The following NRXN3 variants were observed in gnomAD, a reference collection of about 807,000 sequenced individuals.
NRXN3 encodes the protein neurexin III.
NRXN3 carries 32 observed loss-of-function variants against 137.6 expected under a neutral mutation model. The ratio of observed to expected loss-of-function variants is 0.23; its 90% CI spans 0.18 to 0.31. The LOEUF is 0.31. Among genes scored for constraint, NRXN3 ranks in the 10% least tolerant of loss-of-function variants. The pLI, the probability that NRXN3 is intolerant of heterozygous loss-of-function variation, is 1.00. For synonymous variants in NRXN3, 798 were observed against 784.5 expected, an observed-to-expected ratio of 1.02 and a Z score of -0.29; for missense variants, 1,574 against 2,062.5, an observed-to-expected ratio of 0.76 and a Z score of 4.59.
intron 16 of NRXN3, among the ~76,000 whole-genome samples, chr14:79,491,550 T>C (rs1370480907): frequency 6.6e-6 from 1 of 152,038 alleles, no homozygotes; most frequent in Non-Finnish European, 1.5e-5. Context: ...CCTCAACATT[T>C]TTCCAAAGAG....
At chr14:78,646,876 A>G (rs536699467) in intron 5 of NRXN3, among the ~76,000 whole-genome samples, 22 of 152,340 alleles carry the variant, frequency 1.4e-4, no homozygotes, top group African/African-American at 4.8e-4. Flanking sequence ...ACCCAAATCA[A>G]ATATCCATTT....
rs534269371 is a variant in NRXN3 at position 79,051,470 on chromosome 14, G to A, written c.3262+63329G>A. ...ATGAACCCAGACAGGCTGGCTCCAG[G>A]GACTGCGGCAATGTTGTAATAAAAT... On this transcript the variant is annotated intron_variant, in intron 15 of 20. Transcript: ENST00000335750. 7.9e-5 allele frequency among the ~76,000 whole-genome samples: 12 copies of A among 152,314 alleles called. No homozygotes were observed. In the South Asian group the frequency reaches 2.3e-3, roughly 29 times the overall value.
intron 8 of NRXN3, among the ~76,000 whole-genome samples, chr14:78,770,239 G>A (rs2098722736): frequency 6.6e-6 from 1 of 152,174 alleles, no homozygotes; most frequent in South Asian, 2.1e-4. Context: ...GCTGGTAAAT[G>A]TTGGGTTTAG....
At chr14:78,561,851 C>A (rs1171844065) in intron 4 of NRXN3, among the ~76,000 whole-genome samples, 1 of 152,168 alleles carries the variant, frequency 6.6e-6, no homozygotes. Context: ...CATACTATAC[C>A]TTTGACTCAT....
Position 79,299,330 on chromosome 14 carries a change from A to G in NRXN3, c.3263-167891A>G, listed in dbSNP as rs1012576730. On this transcript the variant is annotated intron_variant, in intron 15 of 20. Transcript: ENST00000335750. The stretch of plus-strand genomic sequence containing the variant: ...TCCACATACCTGAGTGTCACTGATC[A>G]CTCTCTCAGTAGGTCACCCAGAGGT... Among the ~76,000 whole-genome samples, 4 of 152,090 alleles carry G rather than the reference A, an allele frequency of 2.6e-5. No individual in the cohort carries two copies. The East Asian group carries it at 7.8e-4, about 30-fold the overall frequency.
At chr14:79,735,507 C>T (rs552346796) in intron 19 of NRXN3, among the ~76,000 whole-genome samples, 1 of 152,230 alleles carries the variant, frequency 6.6e-6, no homozygotes, top group East Asian at 1.9e-4. Flanking sequence ...AGGATTTGTT[C>T]AGCTGTCTTC....
In NRXN3 at chr14:78,194,846, G is replaced by A. The variant is rs1460436151; in HGVS notation, c.-704+24172G>A. Among the ~76,000 whole-genome samples the A allele has an allele frequency of 2.0e-5, 3 of 152,170 alleles. No homozygotes were observed. In the South Asian group the frequency reaches 6.2e-4, roughly 31 times the overall value. On this transcript the variant is annotated intron_variant, in intron 1 of 20. Transcript: ENST00000335750. ...CTCAGGGGCCCAGCCAGCAATCTAC[G>A]CCCCGGCTGGCGCTGACCCCCTTGG...
At chr14:78,424,997 G>A (rs117103970) in intron 4 of NRXN3, among the ~76,000 whole-genome samples, 1 of 152,294 alleles carries the variant, frequency 6.6e-6, no homozygotes, top group East Asian at 1.9e-4. Flanking sequence ...TGAGGACAGT[G>A]GCTTGTCTGA....
intron 19 of NRXN3, among the ~76,000 whole-genome samples, chr14:79,803,695 GA>G (rs2099190839): frequency 6.6e-6 from 1 of 151,950 alleles, no homozygotes; most frequent in South Asian, 2.1e-4. Context: ...CAGGTATAAA[GA>G]AGCCTATTGC....
At chr14:78,373,313 A>G (rs1478365275) in intron 4 of NRXN3, among the ~76,000 whole-genome samples, 2 of 152,180 alleles carry the variant, frequency 1.3e-5, no homozygotes, top group African/African-American at 4.8e-5. Flanking sequence ...TCAGGCAGTT[A>G]GCCTCAAAGC....
At chr14:79,348,110 CCAT>C (rs1377798993) in intron 15 of NRXN3, among the ~76,000 whole-genome samples, 1 of 152,088 alleles carries the variant, frequency 6.6e-6, no homozygotes, top group Non-Finnish European at 1.5e-5. Flanking sequence ...CGCAGTATTT[CCAT>C]CATTGTTAAC....
intron 19 of NRXN3, among the ~76,000 whole-genome samples, chr14:79,739,648 CAAAAAAAAAAAA>C (rs72347811): frequency 2.8e-4 from 9 of 31,820 alleles, no homozygotes; most frequent in Middle Eastern, 0.056. Context: ...GACTCTGCCT[CAAAAAAAAAAAA>C]AAAAAAAAAA....
intron 15 of NRXN3, chr14:79,279,349 C>T (rs2080861635): frequency 3.0e-6 from 3 of 985,698 alleles, no homozygotes; most frequent in African/African-American, 1.7e-5. Context: ...ATATGACTTG[C>T]CCATTTGTGA....
chr14:79,520,497 A>G (rs2097053431), intron 16 of NRXN3, among the ~76,000 whole-genome samples: 1 of 151,924 alleles, frequency 6.6e-6, no homozygotes, highest in Non-Finnish European at 1.5e-5. Flanking sequence ...TCCCTGTTCC[A>G]TGTGTTCTCA....
At position 79,023,220 on chromosome 14, in the gene NRXN3, G is replaced by C. The variant is rs532466806; in HGVS notation, c.3262+35079G>C. On this transcript the variant is annotated intron_variant, in intron 15 of 20. Transcript: ENST00000335750. ...TCTGAAAATGGAAGATGGATTTTTA[G>C]TATCTTTGGGGGTTTGGTGTACTTC... is the stretch of plus-strand genomic sequence containing the variant. Among the ~76,000 whole-genome samples the C allele has an allele frequency of 2.6e-5, 4 of 151,074 alleles. No homozygotes were observed. In the South Asian group the frequency reaches 8.4e-4, roughly 32 times the overall value.
At chr14:78,860,466 A>G (rs1157013665) in intron 10 of NRXN3, among the ~76,000 whole-genome samples, 2 of 152,060 alleles carry the variant, frequency 1.3e-5, no homozygotes, top group Admixed American at 6.6e-5. Flanking sequence ...GCAAGGAGAC[A>G]TTTTTCTAAT....
intron 19 of NRXN3, among the ~76,000 whole-genome samples, chr14:79,704,382 A>G (rs1372612738): frequency 6.6e-6 from 1 of 152,162 alleles, no homozygotes; most frequent in East Asian, 1.9e-4. Flanking sequence ...GTGCTATAGC[A>G]GGATGTAGAT....
At chr14:78,780,149 G>C (rs1056968569) in intron 8 of NRXN3, among the ~76,000 whole-genome samples, 8 of 152,104 alleles carry the variant, frequency 5.3e-5, no homozygotes, top group Admixed American at 3.9e-4. Context: ...CTCAGTAACT[G>C]TTCCTTACAG....
chr14:78,536,608 C>CT lies in NRXN3; in HGVS notation c.758-108500dup, dbSNP rs111375477. ...TGCCTGAGACCTACAGATTATTTTT[C>CT]TTTTTTTTTTTTATTATACTTTAAG... is the stretch of plus-strand genomic sequence containing the variant. On this transcript the variant is annotated intron_variant, in intron 4 of 20. Coordinates refer to ENST00000335750, the MANE Select transcript of NRXN3 (RefSeq NM_001330195.2). Among the ~76,000 whole-genome samples, 1,161 of 147,644 alleles carry CT rather than the reference C, an allele frequency of 7.9e-3. 7 individuals are homozygous for CT. The highest frequency in any genetic ancestry group is 0.02 in the African/African-American group (811 of 40,350).
Sources: allele counts gnomAD v4.1 joint callset (sites outside exome capture counted in the v4.1 genomes callset), GRCh38; gene constraint gnomAD v4.1.1; transcripts MANE v1.5; gene names NCBI Gene and HGNC (gene_info 2026-07-23, HGNC 2026-07-21).